Variants in CNTN5 observed in about 807,000 individuals in gnomAD.
CNTN5 encodes contactin 5.
In CNTN5, 77 loss-of-function variants were observed where a neutral mutation model predicts 129.1. The ratio of observed to expected loss-of-function variants is 0.60; its 90% CI spans 0.50 to 0.72. CNTN5 has a LOEUF of 0.72. Among genes scored for constraint, CNTN5 ranks in the 30% least tolerant of loss-of-function variants. The pLI, the probability that CNTN5 is intolerant of heterozygous loss-of-function variation, is 0.00. For synonymous variants in CNTN5, 509 were observed against 465.6 expected, an observed-to-expected ratio of 1.09 and a Z score of -1.20; for missense variants, 1,478 against 1,328.8, an observed-to-expected ratio of 1.11 and a Z score of -1.75.
At position 99,144,895 on chromosome 11, in the gene CNTN5, G is replaced by T. The variant is rs185485134; in HGVS notation, c.-210+123625G>T. On this transcript the variant is annotated intron_variant, in intron 1 of 24. Coordinates refer to ENST00000524871, the MANE Select transcript of CNTN5 (RefSeq NM_014361.4). ...AATCGCTATTTTGAATTCCTTTCCA[G>T]GCATTTTATATATTTTATTTTCCTT... 1.5e-3 allele frequency among the ~76,000 whole-genome samples: 232 copies of T among 151,604 alleles called. 1 individual carries two copies. The highest frequency in any genetic ancestry group is 3.2e-3 in the Admixed American group (49 of 15,212).
At chr11:99,434,313 A>T (rs2135119833) in intron 2 of CNTN5, among the ~76,000 whole-genome samples, 1 of 152,266 alleles carries the variant, frequency 6.6e-6, no homozygotes, top group Non-Finnish European at 1.5e-5. Context: ...ATATTTTGCC[A>T]TTTCTAAAAT....
At chr11:100,251,495 T>C (rs35511893) in intron 16 of CNTN5, among the ~76,000 whole-genome samples, 27,795 of 152,050 alleles carry the variant, frequency 0.18, 3,080 homozygotes, top group Non-Finnish European at 0.24. Flanking sequence ...CATCCTACAG[T>C]GGTCTATAGC....
At chr11:99,382,845 C>CCTTTTTTTTTTTTTTTTTTT in intron 2 of CNTN5, among the ~76,000 whole-genome samples, 1 of 77,032 alleles carries the variant, frequency 1.3e-5, no homozygotes, top group East Asian at 5.3e-4. Flanking sequence ...CTCTAAATAA[C>CCTTTTTTTTTTTTTTTTTTT]TTTTTTTTTT....
chr11:100,120,181 A>G (rs1260183466), intron 13 of CNTN5, among the ~76,000 whole-genome samples: 2 of 152,066 alleles, frequency 1.3e-5, no homozygotes, highest in East Asian at 3.9e-4. Context: ...AAATGGAAAT[A>G]CTTAAGCACG....
At chr11:99,947,348 T>G (rs1177829728) in intron 7 of CNTN5, among the ~76,000 whole-genome samples, 3 of 149,596 alleles carry the variant, frequency 2.0e-5, no homozygotes, top group Non-Finnish European at 4.5e-5. Flanking sequence ...TGATTAGGTT[T>G]TTTTTTTTTT....
chr11:99,995,228 G>C (rs1939365594), intron 8 of CNTN5, among the ~76,000 whole-genome samples: 1 of 151,854 alleles, frequency 6.6e-6, no homozygotes, highest in Non-Finnish European at 1.5e-5. Flanking sequence ...TGATCTGTCA[G>C]AGATGGTACA....
chr11:99,961,109 A>G (rs1950930419), intron 8 of CNTN5, among the ~76,000 whole-genome samples: 1 of 148,284 alleles, frequency 6.7e-6, no homozygotes, highest in Non-Finnish European at 1.5e-5. Flanking sequence ...GGAGGCTGAG[A>G]CAGGAGAATC....
At chr11:99,343,846 G>A (rs1041877687) in intron 2 of CNTN5, among the ~76,000 whole-genome samples, 2 of 151,786 alleles carry the variant, frequency 1.3e-5, no homozygotes, top group African/African-American at 4.8e-5. Context: ...AATGAAACAG[G>A]GCAAGTAAAT....
intron 13 of CNTN5, among the ~76,000 whole-genome samples, chr11:100,170,397 G>T (rs1054711567): frequency 6.6e-6 from 1 of 151,982 alleles, no homozygotes; most frequent in African/African-American, 2.4e-5. Context: ...TATGATTTTA[G>T]ATTGGGTTAT....
At chr11:100,179,874 G>A (rs975300780) in intron 13 of CNTN5, among the ~76,000 whole-genome samples, 17 of 152,014 alleles carry the variant, frequency 1.1e-4, no homozygotes, top group African/African-American at 2.2e-4. Flanking sequence ...GTAGATAATC[G>A]TAATAGTCCT....
chr11:99,961,917 A>G (rs1950956744), intron 8 of CNTN5, among the ~76,000 whole-genome samples: 1 of 152,166 alleles, frequency 6.6e-6, no homozygotes. Flanking sequence ...CAGACACAGC[A>G]TCAGGGGAAC....
chr11:100,098,088 T>C (rs771385912), intron 13 of CNTN5, among the ~76,000 whole-genome samples: 7 of 152,066 alleles, frequency 4.6e-5, no homozygotes, highest in Non-Finnish European at 7.4e-5. Context: ...TCACGTTGCA[T>C]GCAAACGTTC....
At chr11:99,986,015 T>C (rs1350678577) in intron 8 of CNTN5, among the ~76,000 whole-genome samples, 1 of 152,206 alleles carries the variant, frequency 6.6e-6, no homozygotes, top group Admixed American at 6.5e-5. Context: ...TAAGCCATTT[T>C]CTGCTGAAAG....
intron 4 of CNTN5, among the ~76,000 whole-genome samples, chr11:99,843,392 A>G (rs1947578995): frequency 6.6e-6 from 1 of 152,202 alleles, no homozygotes; most frequent in Non-Finnish European, 1.5e-5. Context: ...AAAGAAAGCA[A>G]ATCATTTTAC....
intron 2 of CNTN5, among the ~76,000 whole-genome samples, chr11:99,434,634 C>T (rs1004052014): frequency 1.2e-4 from 19 of 152,046 alleles, no homozygotes; most frequent in African/African-American, 2.4e-4. Flanking sequence ...AAATCAGAGC[C>T]GTTTTAATAA....
At chr11:99,362,364 A>G (rs1939171003) in intron 2 of CNTN5, among the ~76,000 whole-genome samples, 1 of 151,874 alleles carries the variant, frequency 6.6e-6, no homozygotes, top group African/African-American at 2.4e-5. Flanking sequence ...TAGGTTCTTT[A>G]TATATTCTAG....
At chr11:99,504,525 G>A (rs1236206077) in intron 2 of CNTN5, among the ~76,000 whole-genome samples, 50 of 108,402 alleles carry the variant, frequency 4.6e-4, no homozygotes, top group African/African-American at 1.3e-3. Context: ...GCCAGACTCC[G>A]TCTCAAAAAA....
At chr11:99,722,502 G>A (rs2135037044) in intron 3 of CNTN5, among the ~76,000 whole-genome samples, 1 of 152,036 alleles carries the variant, frequency 6.6e-6, no homozygotes, top group Non-Finnish European at 1.5e-5. Flanking sequence ...AGGAGGGAGA[G>A]GAGCAGAAAA....
intron 2 of CNTN5, among the ~76,000 whole-genome samples, chr11:99,555,182 T>C (rs1948624821): frequency 6.6e-6 from 1 of 152,062 alleles, no homozygotes; most frequent in Admixed American, 6.6e-5. Context: ...ATTTTTCAGA[T>C]GTTTCCTAAA....
Sources: gnomAD v4.1 joint callset for allele counts (sites outside exome capture counted in the v4.1 genomes callset) on GRCh38, gnomAD v4.1.1 for gene constraint, MANE v1.5 for transcripts, NCBI Gene and HGNC (gene_info 2026-07-23, HGNC 2026-07-21) for gene names.